Variants in AVEN observed in about 807,000 individuals in gnomAD.
AVEN encodes cell death regulator Aven.
Under a neutral mutation model 38.1 loss-of-function variants are expected in AVEN, and 41 were observed. That is an observed-to-expected ratio of 1.08 (90% CI 0.84 to 1.40). The LOEUF (loss-of-function observed/expected upper bound fraction) is 1.40. Ranked by LOEUF, AVEN falls within the 40% of genes most tolerant of loss-of-function variation. The pLI, the probability that AVEN is intolerant of heterozygous loss-of-function variation, is 0.00. For synonymous variants in AVEN, 206 were observed against 171.8 expected, an observed-to-expected ratio of 1.20 and a Z score of -1.56; for missense variants, 605 against 438.8, an observed-to-expected ratio of 1.38 and a Z score of -3.38.
chr15:33,898,673 A>G (rs1025329359), intron 2 of AVEN, among the ~76,000 whole-genome samples: 3 of 152,220 alleles, frequency 2.0e-5, no homozygotes, highest in Admixed American at 1.3e-4. Context: ...CACATTTGCC[A>G]AGACCATATT....
intron 3 of AVEN, 67 bp from the exon 4 acceptor site, chr15:33,871,097 G>A: frequency 1.9e-6 from 2 of 1,061,378 alleles, no homozygotes; most frequent in African/African-American, 1.7e-5. Context: ...AATAAAAGAA[G>A]AAACTGTAAA....
At chr15:33,988,613 G>A (rs1442516395) in intron 2 of AVEN, among the ~76,000 whole-genome samples, 1 of 152,152 alleles carries the variant, frequency 6.6e-6, no homozygotes, top group Non-Finnish European at 1.5e-5. Context: ...AGTGGCCACA[G>A]GGCTCATTTA....
intron 2 of AVEN, among the ~76,000 whole-genome samples, chr15:33,941,343 C>G (rs1453636838): frequency 6.6e-6 from 1 of 151,844 alleles, no homozygotes; most frequent in Non-Finnish European, 1.5e-5. Flanking sequence ...TTCAAAGAAT[C>G]ATTTATCTAT....
At chr15:34,044,146 C>A (rs1426949795), upstream of AVEN, among the ~76,000 whole-genome samples, 2 of 151,904 alleles carry the variant, frequency 1.3e-5, no homozygotes, top group South Asian at 2.1e-4. Flanking sequence ...ACTTCTGCAT[C>A]ATTTCTCTAC....
chr15:33,923,109 G>C (rs1893463690), intron 2 of AVEN, among the ~76,000 whole-genome samples: 1 of 149,156 alleles, frequency 6.7e-6, no homozygotes, highest in Non-Finnish European at 1.5e-5. Context: ...ACAAGATTAA[G>C]GCAAACTACA....
At chr15:33,865,243 C>T (rs3794589), downstream of AVEN, 4,219 of 1,545,064 alleles carry the variant, frequency 2.7e-3, 156 homozygotes, top group East Asian at 0.085. Flanking sequence ...ATCAAAGAAG[C>T]GCGACAATTC....
At chr15:33,974,503 AT>A (rs1210035279) in intron 2 of AVEN, among the ~76,000 whole-genome samples, 1 of 152,236 alleles carries the variant, frequency 6.6e-6, no homozygotes, top group Non-Finnish European at 1.5e-5. Context: ...CTCAACCCCT[AT>A]GATAGAAATT....
intron 2 of AVEN, among the ~76,000 whole-genome samples, chr15:33,883,915 G>C (rs16958202): frequency 0.072 from 10,944 of 152,216 alleles, 538 homozygotes; most frequent in South Asian, 0.15. Context: ...ACTTTATAGA[G>C]CTGTGAAGAA....
intron 2 of AVEN, among the ~76,000 whole-genome samples, chr15:33,911,005 C>T (rs1396034238): frequency 6.6e-6 from 1 of 152,198 alleles, no homozygotes; most frequent in East Asian, 1.9e-4. Context: ...TGTGACTCAA[C>T]ATTGGGTTGG....
At chr15:34,062,810 C>T (rs780377591) in intron 5 of AVEN, 1 of 1,614,222 alleles carries the variant, frequency 6.2e-7, no homozygotes, top group South Asian at 1.1e-5. Flanking sequence ...GGGAAGTCAT[C>T]ACCATTGCAG....
At chr15:34,064,093 A>C in intron 4 of AVEN, 1 of 1,614,150 alleles carries the variant, frequency 6.2e-7, no homozygotes, top group Non-Finnish European at 8.5e-7. Context: ...ACCCCGTATA[A>C]CATCATGGTC....
intron 2 of AVEN, among the ~76,000 whole-genome samples, chr15:34,000,786 G>A (rs1262564782): frequency 1.3e-5 from 2 of 152,106 alleles, no homozygotes; most frequent in Non-Finnish European, 2.9e-5. Context: ...ATCAGCAACA[G>A]AGTGGGAAAG....
At chr15:33,923,624 T>C (rs1175521233) in intron 2 of AVEN, among the ~76,000 whole-genome samples, 3 of 152,186 alleles carry the variant, frequency 2.0e-5, no homozygotes, top group Non-Finnish European at 2.9e-5. Flanking sequence ...AATAAAACTT[T>C]ATTTATAAAA....
At chr15:33,952,551 C>T (rs78799426) in intron 2 of AVEN, among the ~76,000 whole-genome samples, 96 of 152,150 alleles carry the variant, frequency 6.3e-4, no homozygotes, top group African/African-American at 2.1e-3. Flanking sequence ...GATAGGAAAC[C>T]GCATAAATAA....
At chr15:33,926,870 G>T (rs1893624738) in intron 2 of AVEN, among the ~76,000 whole-genome samples, 1 of 152,066 alleles carries the variant, frequency 6.6e-6, no homozygotes. Flanking sequence ...GGCAAGGCTG[G>T]TTTCAAACTC....
intron 2 of AVEN, chr15:33,972,071 G>T (rs1895660744): frequency 6.6e-6 from 1 of 152,050 alleles, no homozygotes; most frequent in Non-Finnish European, 1.5e-5. Context: ...AGAGAAAGAT[G>T]CTTTTATTGC....
At chr15:33,855,170 G>A (rs576535025), downstream of AVEN, among the ~76,000 whole-genome samples, 6 of 152,036 alleles carry the variant, frequency 3.9e-5, no homozygotes, top group Non-Finnish European at 5.9e-5. Context: ...GAGAGGGAGG[G>A]AGGTGATGGA....
At chr15:33,983,650 C>T (rs1896291223) in intron 2 of AVEN, among the ~76,000 whole-genome samples, 1 of 152,114 alleles carries the variant, frequency 6.6e-6, no homozygotes, top group Non-Finnish European at 1.5e-5. Context: ...CCAGAAATTC[C>T]TCCTTCCATG....
At chr15:33,937,601 AC>A (rs993366068) in intron 2 of AVEN, among the ~76,000 whole-genome samples, 6 of 151,776 alleles carry the variant, frequency 4.0e-5, no homozygotes, top group African/African-American at 1.5e-4. Flanking sequence ...TGAAGCCCTA[AC>A]CCCCCAATGT....
Sources: allele counts gnomAD v4.1 joint callset (sites outside exome capture counted in the v4.1 genomes callset), GRCh38; gene constraint gnomAD v4.1.1; transcripts MANE v1.5; gene names NCBI Gene and HGNC (gene_info 2026-07-23, HGNC 2026-07-21).